Variants in ZFYVE9 observed in about 807,000 individuals in gnomAD.
The protein encoded by ZFYVE9 is zinc finger FYVE domain-containing protein 9.
A neutral mutation model predicts 126.7 loss-of-function variants in ZFYVE9; 43 were observed. The ratio of observed to expected loss-of-function variants is 0.34; its 90% CI spans 0.27 to 0.44. The LOEUF is 0.44. Ranked by LOEUF, ZFYVE9 falls within the 20% of genes least tolerant of loss-of-function variation. The pLI is 1.00. For synonymous variants in ZFYVE9, 521 were observed against 597.4 expected, an observed-to-expected ratio of 0.87 and a Z score of 1.87; for missense variants, 1,476 against 1,697.0, an observed-to-expected ratio of 0.87 and a Z score of 2.29.
intron 8 of ZFYVE9, among the ~76,000 whole-genome samples, chr1:52,274,798 TATA>T (rs1233755347): frequency 6.6e-5 from 10 of 152,316 alleles, no homozygotes; most frequent in South Asian, 6.2e-4. Flanking sequence ...TTTGAATGGA[TATA>T]ATATTACTTA....
At chr1:52,182,053 G>A (rs536452334) in intron 1 of ZFYVE9, among the ~76,000 whole-genome samples, 2 of 151,126 alleles carry the variant, frequency 1.3e-5, no homozygotes, top group Non-Finnish European at 3.0e-5. Context: ...AGGCGAGGGG[G>A]TCAGCCCCTC....
At chr1:52,260,948 A>G (rs770110530) in intron 4 of ZFYVE9, among the ~76,000 whole-genome samples, 1 of 152,154 alleles carries the variant, frequency 6.6e-6, no homozygotes, top group Non-Finnish European at 1.5e-5. Flanking sequence ...CTCAAGCCAT[A>G]TTAACTTTTT....
At chr1:52,229,918 A>C (rs938345671) in intron 2 of ZFYVE9, among the ~76,000 whole-genome samples, 1 of 147,962 alleles carries the variant, frequency 6.8e-6, no homozygotes, top group African/African-American at 2.5e-5. Flanking sequence ...CCCAGGCTGG[A>C]GTGCAGTGGT....
chr1:52,230,016 T>C, intron 2 of ZFYVE9, among the ~76,000 whole-genome samples: 1 of 152,066 alleles, frequency 6.6e-6, no homozygotes. Context: ...TACAGGCGCT[T>C]GCCACCACGT....
At chr1:52,322,384 T>C (rs1418720997) in intron 13 of ZFYVE9, among the ~76,000 whole-genome samples, 3 of 135,662 alleles carry the variant, frequency 2.2e-5, no homozygotes, top group African/African-American at 3.5e-5. Flanking sequence ...TTTCTTTTTT[T>C]TTTTTTTTTT....
intron 1 of ZFYVE9, among the ~76,000 whole-genome samples, chr1:52,206,559 G>GT (rs1438082682): frequency 1.3e-5 from 2 of 152,008 alleles, no homozygotes; most frequent in African/African-American, 2.4e-5. Context: ...GTTTTGTTTT[G>GT]TTTTTTGAGA....
At chr1:52,283,157 T>A (rs933955890) in intron 10 of ZFYVE9, among the ~76,000 whole-genome samples, 1 of 152,180 alleles carries the variant, frequency 6.6e-6, no homozygotes, top group Non-Finnish European at 1.5e-5. Context: ...CTGAATTTAG[T>A]CCTGGAAATA....
At chr1:52,298,754 A>G (rs1221058371) in intron 12 of ZFYVE9, among the ~76,000 whole-genome samples, 1 of 147,858 alleles carries the variant, frequency 6.8e-6, no homozygotes, top group Non-Finnish European at 1.5e-5. Context: ...GGCTATTTTC[A>G]CGGTATTAAT....
Position 52,281,670 on chromosome 1 carries a change from G to A in ZFYVE9, c.2879G>A (p.Arg960Lys), listed in dbSNP as rs1645806753. ...TTTATTCCATCTGTAGATGTGAACA[G>A]GAAGTGCTGGTGTTTCACAACCAAG... is the stretch of plus-strand genomic sequence containing the variant. ...SMVKIVNYVN[R>K]KCWCFTTKGM... The change falls in exon 10 of 19, where the codon AGG (arginine) becomes AAG (lysine). Residue 960 changes from arginine (R) to lysine (K), a missense_variant. By Grantham distance (26) the Arg-to-Lys change is conservative (BLOSUM62 2). Around this residue, in one of 2 missense-constraint regions of ZFYVE9, gnomAD observed 669 missense variants for 902.4 expected, o/e 0.74. Transcript: ENST00000287727. 5 of 1,614,046 alleles carry A rather than the reference G, an allele frequency of 3.1e-6. No homozygotes were observed. The highest frequency in any genetic ancestry group is 4.2e-6 in the Non-Finnish European group (5 of 1,179,992).
chr1:52,287,629 C>G (rs1645874914), intron 10 of ZFYVE9, among the ~76,000 whole-genome samples: 1 of 148,810 alleles, frequency 6.7e-6, no homozygotes, highest in South Asian at 2.1e-4. Flanking sequence ...GAAGCTGAGG[C>G]AGGAGGATTG....
At position 52,274,526 on chromosome 1, in the gene ZFYVE9, G is replaced by T. The variant is rs1252162033; in HGVS notation, c.2688G>T (p.Met896Ile). Residue 896 changes from methionine (M) to isoleucine (I), a missense_variant, in exon 8 of 19, where the codon ATG becomes ATT. Coordinates refer to ENST00000287727, the MANE Select transcript of ZFYVE9 (RefSeq NM_004799.4). ...TTGGAAGTCCTGTTGGAAGTGCAAT[G>T]AATCTTATTCCTGAAGATGGCCTTC... ...TQVGSPVGSA[M>I]NLIPEDGLPP... The T allele has an allele frequency of 5.0e-6, 8 of 1,612,716 alleles. No homozygotes were observed. Among genetic ancestry groups the T allele is most frequent in the African/African-American group, 2.7e-5 (2 of 74,896 alleles).
intron 4 of ZFYVE9, among the ~76,000 whole-genome samples, 161 bp downstream of exon 4, chr1:52,239,756 G>A (rs1191876426): frequency 1.3e-5 from 2 of 152,114 alleles, no homozygotes; most frequent in African/African-American, 4.8e-5. Flanking sequence ...AAAAAATGAT[G>A]TCACTGATTC....
At chr1:52,160,694 G>A (rs1007439830) in intron 1 of ZFYVE9, 45 of 490,928 alleles carry the variant, frequency 9.2e-5, no homozygotes, top group Non-Finnish European at 1.4e-4. Context: ...GATTACAGGC[G>A]TGAGCCACTG....
At chr1:52,186,322 A>G (rs1644765237) in intron 1 of ZFYVE9, among the ~76,000 whole-genome samples, 1 of 152,182 alleles carries the variant, frequency 6.6e-6, no homozygotes, top group South Asian at 2.1e-4. Context: ...AACATACCTT[A>G]AAATAATAAG....
intron 1 of ZFYVE9, among the ~76,000 whole-genome samples, chr1:52,143,914 C>T (rs1453898958): frequency 6.6e-6 from 1 of 152,106 alleles, no homozygotes; most frequent in African/African-American, 2.4e-5. Flanking sequence ...TTAAGTATTT[C>T]TTTTAAAAAT....
intron 1 of ZFYVE9, among the ~76,000 whole-genome samples, chr1:52,184,677 C>T (rs1428291854): frequency 1.3e-5 from 2 of 151,976 alleles, no homozygotes; most frequent in East Asian, 1.9e-4. Flanking sequence ...TTTGACTATC[C>T]AGGACGATTA....
At chr1:52,311,665 C>T (rs1033734894) in intron 13 of ZFYVE9, among the ~76,000 whole-genome samples, 72 of 152,108 alleles carry the variant, frequency 4.7e-4, no homozygotes, top group African/African-American at 1.4e-3. Context: ...ATTTCAATCA[C>T]GTGTCAAATA....
At chr1:52,226,424 T>C (rs1645171091) in intron 2 of ZFYVE9, among the ~76,000 whole-genome samples, 1 of 152,102 alleles carries the variant, frequency 6.6e-6, no homozygotes, top group Non-Finnish European at 1.5e-5. Flanking sequence ...TAATCCCAGC[T>C]ACTCGGGAGG....
At chr1:52,213,347 G>A (rs1645044367) in intron 1 of ZFYVE9, among the ~76,000 whole-genome samples, 1 of 152,006 alleles carries the variant, frequency 6.6e-6, no homozygotes, top group African/African-American at 2.4e-5. Context: ...TAAGAATGGA[G>A]ACTTACAATT....
Sources: allele counts gnomAD v4.1 joint callset (sites outside exome capture counted in the v4.1 genomes callset), GRCh38; gene constraint gnomAD v4.1.1; regional missense constraint gnomAD v4.1.1; transcripts MANE v1.5; gene names NCBI Gene and HGNC (gene_info 2026-07-23, HGNC 2026-07-21).